CFLAR: variants seen among roughly 807,000 people sequenced by gnomAD.
The protein encoded by CFLAR is CASP8 and FADD like apoptosis regulator.
A neutral mutation model predicts 51.1 loss-of-function variants in CFLAR; 14 were observed. That is an observed-to-expected ratio of 0.27 (90% CI 0.18 to 0.43). The LOEUF is 0.43. Among genes scored for constraint, CFLAR ranks in the 20% least tolerant of loss-of-function variants. The probability of loss-of-function intolerance (pLI) is 1.00; values close to 1 mark genes in which losing one functional copy is unlikely to be tolerated. For missense variants in CFLAR, 390 were observed against 566.5 expected, an observed-to-expected ratio of 0.69 and a Z score of 3.16; for synonymous variants, 210 against 211.6, an observed-to-expected ratio of 0.99 and a Z score of 0.06.
chr2:201,162,951 A>G (rs535318023), intron 9 of CFLAR: 1 of 702,820 alleles, frequency 1.4e-6, no homozygotes, highest in South Asian at 1.5e-5. Flanking sequence ...AGTATTAAAC[A>G]TCCTTGTAAC....
chr2:201,125,817 T>G (rs13015648), intron 1 of CFLAR, among the ~76,000 whole-genome samples: 6,524 of 152,192 alleles, frequency 0.043, 182 homozygotes, highest in Non-Finnish European at 0.066. Context: ...TTGTGTTATC[T>G]CTTCTCCCTT....
chr2:201,157,543 G>GT (rs1054459664), intron 8 of CFLAR, among the ~76,000 whole-genome samples: 1 of 151,748 alleles, frequency 6.6e-6, no homozygotes, highest in Non-Finnish European at 1.5e-5. Flanking sequence ...TGCCTGGCTA[G>GT]TTTTTTTATT....
chr2:201,171,229 A>T lies in CFLAR; in HGVS notation c.*7256A>T, dbSNP rs1394447988. 2.0e-5 allele frequency: 3 copies of T among 152,198 alleles called. No individual in the cohort carries two copies. The highest frequency in any genetic ancestry group is 2.9e-5 in the Non-Finnish European group (2 of 68,038). 9.4% of individuals were successfully genotyped at this position (152,198 alleles called of 1,614,324 possible). A position where few individuals can be genotyped will look rare whatever the true frequency, so the allele number is the denominator to read the frequency against. ...ACTGCTCAGGTGATGGGTGCACCAGAATCTCACAAGTAACCACTTAATTAC... is the reference window on the plus strand; with the variant it reads ...ACTGCTCAGGTGATGGGTGCACCAGTATCTCACAAGTAACCACTTAATTAC... On this transcript the variant is annotated 3_prime_UTR_variant, in exon 10 of 10. Coordinates refer to ENST00000309955, the MANE Select transcript of CFLAR (RefSeq NM_003879.7).
At position 201,149,039 on chromosome 2, in the gene CFLAR, C is replaced by G. The variant is rs1347843626; in HGVS notation, c.698C>G (p.Ala233Gly). The stretch of plus-strand genomic sequence containing the variant: ...AAGAAATCCATTCAGGAATCAGAAG[C>G]TTTTTTGCCTCAGGTACAGAATAAA... The part of the protein sequence containing the change: ...PVKKSIQESE[A>G]FLPQSIPEER... Residue 233 changes from alanine (A) to glycine (G), a missense_variant, in exon 7 of 10, where the codon GCT (alanine) becomes GGT (glycine). Around this residue, in one of 2 missense-constraint regions of CFLAR, gnomAD observed 287 missense variants for 363.6 expected, o/e 0.79. Transcript: ENST00000309955. 1.2e-6 allele frequency: 2 copies of G among 1,609,808 alleles called. No individual in the cohort carries two copies. Among genetic ancestry groups the G allele is most frequent in the Non-Finnish European group, 1.7e-6 (2 of 1,176,282 alleles).
At chr2:201,136,230 T>G in intron 4 of CFLAR, 123 bp downstream of exon 4, 1 of 1,607,928 alleles carries the variant, frequency 6.2e-7, no homozygotes, top group South Asian at 1.1e-5. Flanking sequence ...GACCAAAGCC[T>G]CCTTTAGCTT....
chr2:201,136,170 G>A (rs897992959), intron 4 of CFLAR, 63 bp downstream of exon 4: 1 of 1,612,514 alleles, frequency 6.2e-7, no homozygotes, highest in East Asian at 2.2e-5. Context: ...TGGGCATCAT[G>A]ACTGATAAAT....
rs1437963123 is a variant in CFLAR at position 201,150,126 on chromosome 2, G to C, written c.793+291G>C. ...GGAGGCGGGCGGATCATGAGGTCAG[G>C]AGTTCAAGACCAGCCTGGCCAATAT... On this transcript the variant is annotated intron_variant, in intron 8 of 9. Transcript: ENST00000309955. The C allele has an allele frequency of 1.1e-5, 2 of 181,984 alleles. 1 individual carries two copies. The highest frequency in any genetic ancestry group is 4.7e-5 in the African/African-American group (2 of 42,360). 11.3% of individuals were successfully genotyped at this position (181,984 alleles called of 1,614,324 possible). A position where few individuals can be genotyped will look rare whatever the true frequency, so the allele number is the denominator to read the frequency against.
rs535236021 is a variant in CFLAR at position 201,120,540 on chromosome 2, A to G, written c.-138+4059A>G. On this transcript the variant is annotated intron_variant, in intron 1 of 9. Coordinates refer to ENST00000309955, the MANE Select transcript of CFLAR (RefSeq NM_003879.7). ...CATCTGCATACTCATGATAATTTGTATCTTCTGCAGTGAACTCTTAAGTTG... is the reference window on the plus strand; with the variant it reads ...CATCTGCATACTCATGATAATTTGTGTCTTCTGCAGTGAACTCTTAAGTTG... 1.8e-4 allele frequency among the ~76,000 whole-genome samples: 27 copies of G among 152,308 alleles called. 1 individual carries two copies. The East Asian group carries it at 2.1e-3, about 12-fold the overall frequency.
intron 8 of CFLAR, chr2:201,151,366 C>T (rs976548569): frequency 1.3e-5 from 2 of 152,140 alleles, no homozygotes; most frequent in African/African-American, 4.8e-5. Flanking sequence ...AGTTTTAGAG[C>T]TTCTCAACAT....
chr2:201,155,270 T>G (rs1286524375), intron 8 of CFLAR, among the ~76,000 whole-genome samples: 2 of 152,222 alleles, frequency 1.3e-5, no homozygotes, highest in South Asian at 2.1e-4. Context: ...GAGGAAGTTT[T>G]TTTTTTTTTT....
At chr2:201,125,700 G>A (rs1005183356) in intron 1 of CFLAR, among the ~76,000 whole-genome samples, 3 of 152,056 alleles carry the variant, frequency 2.0e-5, no homozygotes, top group Non-Finnish European at 4.4e-5. Context: ...TCCTTGAAGG[G>A]TGTGGGAAAG....
intron 2 of CFLAR, 41 bp downstream of exon 2, chr2:201,130,187 G>GGGGGGGGGGGGGGGGGGCA: frequency 1.4e-5 from 4 of 292,380 alleles, no homozygotes; most frequent in African/African-American, 2.5e-5. Flanking sequence ...GGGTGGGAGG[G>GGGGGGGGGGGGGGGGGGCA]AGTGAAGTGT....
At chr2:201,157,885 G>T (rs914673921) in intron 8 of CFLAR, 1 of 152,250 alleles carries the variant, frequency 6.6e-6, no homozygotes, top group African/African-American at 2.4e-5. Context: ...ACGTTAATGG[G>T]AAATGTCAGC....
rs1943099209 is a variant in CFLAR at position 201,162,039 on chromosome 2, T to C, written c.1304+1097T>C. On this transcript the variant is annotated intron_variant, in intron 9 of 9. Coordinates refer to ENST00000309955, the MANE Select transcript of CFLAR (RefSeq NM_003879.7). ...CTGGGATTACAGGCATGAGCCACCATGCTCAGCCACCTTCCAGATCTTTTT... is the reference window on the plus strand; with the variant it reads ...CTGGGATTACAGGCATGAGCCACCACGCTCAGCCACCTTCCAGATCTTTTT... Among the ~76,000 whole-genome samples, 3 of 151,968 alleles carry C rather than the reference T, an allele frequency of 2.0e-5. 1 individual carries two copies.
At position 201,174,676 on chromosome 2, in the gene CFLAR, T is replaced by C. The variant is rs1422291472; in HGVS notation, c.*10703T>C. Reference sequence around the variant, plus strand: ...GAGGGGTGAGCCACTGCAACTGGCCTGTTCTTTTTCAAAATTGTTAGGGCT... The same window carrying C: ...GAGGGGTGAGCCACTGCAACTGGCCCGTTCTTTTTCAAAATTGTTAGGGCT... On this transcript the variant is annotated 3_prime_UTR_variant, in exon 10 of 10. Coordinates refer to ENST00000309955, the MANE Select transcript of CFLAR (RefSeq NM_003879.7). The C allele has an allele frequency of 3.3e-5, 5 of 152,186 alleles. No individual in the cohort carries two copies. The highest frequency in any genetic ancestry group is 3.3e-4 in the Admixed American group (5 of 15,264). 9.4% of individuals were successfully genotyped at this position (152,186 alleles called of 1,614,324 possible). A position where few individuals can be genotyped will look rare whatever the true frequency, so the allele number is the denominator to read the frequency against.
At chr2:201,154,957 T>G (rs573644252) in intron 8 of CFLAR, among the ~76,000 whole-genome samples, 5 of 152,270 alleles carry the variant, frequency 3.3e-5, no homozygotes, top group African/African-American at 9.6e-5. Flanking sequence ...AGAATTCTTA[T>G]GGAGTTCAGT....
At chr2:201,146,734 G>A (rs561999731) in intron 6 of CFLAR, 1 of 152,400 alleles carries the variant, frequency 6.6e-6, no homozygotes, top group Admixed American at 6.5e-5. Flanking sequence ...AAGAGGCTTG[G>A]AATCTGTCCT....
Position 201,160,589 on chromosome 2 carries a change from C to T in CFLAR, c.951C>T (p.Gly317=). ...TGTGTGTCCTGGTGAGCCGAGGAGG[C>T]TCCCAGAGTGTGTATGGTGTGGATC... ...SFVCVLVSRG[G]SQSVYGVDQT... Residue 317 remains glycine (G), a synonymous_variant, in exon 9 of 10, where the codon GGC becomes GGT. Coordinates refer to ENST00000309955, the MANE Select transcript of CFLAR (RefSeq NM_003879.7). 3 of 1,614,084 alleles carry T rather than the reference C, an allele frequency of 1.9e-6. No homozygotes were observed. The highest frequency in any genetic ancestry group is 2.5e-6 in the Non-Finnish European group (3 of 1,180,012).
At chr2:201,120,853 TAA>T (rs1237569816) in intron 1 of CFLAR, among the ~76,000 whole-genome samples, 2 of 152,238 alleles carry the variant, frequency 1.3e-5, no homozygotes, top group African/African-American at 4.8e-5. Flanking sequence ...TGAGATTGTT[TAA>T]AAGAGTAGGT....
Sources: gnomAD v4.1 joint callset for allele counts (sites outside exome capture counted in the v4.1 genomes callset) on GRCh38, gnomAD v4.1.1 for gene constraint, gnomAD v4.1.1 regional missense constraint, MANE v1.5 for transcripts, NCBI Gene and HGNC (gene_info 2026-07-23, HGNC 2026-07-21) for gene names.